RARB: variants seen among roughly 807,000 people sequenced by gnomAD.
The protein encoded by RARB is retinoic acid receptor beta, also known as HBV-activated protein.
RARB carries 17 observed loss-of-function variants against 51.9 expected under a neutral mutation model. The ratio of observed to expected loss-of-function variants is 0.33; its 90% CI spans 0.22 to 0.49. The LOEUF is 0.49. RARB is among the 20% of genes least tolerant of loss of function. The probability of loss-of-function intolerance (pLI) is 0.99; values close to 1 mark genes in which losing one functional copy is unlikely to be tolerated. For synonymous variants in RARB, 215 were observed against 195.4 expected (o/e 1.10, Z -0.84); for missense variants, 369 against 550.8 (o/e 0.67, Z 3.30).
chr3:25,374,801 T>A (rs910585530), intron 5 of RARB, among the ~76,000 whole-genome samples: 1 of 152,174 alleles, frequency 6.6e-6, no homozygotes, highest in Admixed American at 6.5e-5. Flanking sequence ...TGTACAAGGT[T>A]TCTTTCTTCA....
intron 2 of RARB, among the ~76,000 whole-genome samples, chr3:25,036,366 T>A (rs2125292688): frequency 6.6e-6 from 1 of 152,258 alleles, no homozygotes; most frequent in African/African-American, 2.4e-5. Flanking sequence ...TAGCGCCAAA[T>A]CCCAAACCCT....
rs1053814956 is a variant in RARB, at chr3:25,103,978, G to A, written c.-327-28183G>A. On this transcript the variant is annotated intron_variant, in intron 3 of 11. Transcript: ENST00000383772. ...ATCCAGATTAGGTGCCCAATTAGCC[G>A]CATATTGTGAAAGTGTGGACACTCA... Among the ~76,000 whole-genome samples, 10 of 152,272 alleles carry A rather than the reference G, an allele frequency of 6.6e-5. No individual in the cohort carries two copies. In the East Asian group the frequency reaches 1.5e-3, roughly 24 times the overall value.
At chr3:25,505,195 G>A (rs993698755) in intron 3 of RARB, among the ~76,000 whole-genome samples, 2 of 152,170 alleles carry the variant, frequency 1.3e-5, no homozygotes, top group Non-Finnish European at 2.9e-5. Context: ...TGTGGAAGCT[G>A]AGACACAGAG....
At chr3:24,835,956 G>A (rs1037605016) in intron 1 of RARB, among the ~76,000 whole-genome samples, 5 of 152,192 alleles carry the variant, frequency 3.3e-5, no homozygotes, top group African/African-American at 1.2e-4. Context: ...TACTGGGGAA[G>A]CCTGAAAACA....
chr3:25,179,535 C>T (rs1446182783), intron 5 of RARB, among the ~76,000 whole-genome samples: 5 of 152,168 alleles, frequency 3.3e-5, no homozygotes, highest in African/African-American at 1.2e-4. Context: ...TGTATCCTTA[C>T]ATTGTTAAAC....
chr3:25,067,503 C>A (rs944404761), intron 3 of RARB, among the ~76,000 whole-genome samples: 1 of 152,020 alleles, frequency 6.6e-6, no homozygotes, highest in Non-Finnish European at 1.5e-5. Context: ...TTTCTACATG[C>A]CTTTTATCAC....
chr3:24,891,798 T>C (rs1048824492), intron 2 of RARB, among the ~76,000 whole-genome samples: 2 of 152,044 alleles, frequency 1.3e-5, no homozygotes, highest in African/African-American at 4.8e-5. Flanking sequence ...GAGAAAGAGT[T>C]GCAGTATGAA....
intron 1 of RARB, among the ~76,000 whole-genome samples, chr3:24,837,997 G>A (rs1702365489): frequency 6.6e-6 from 1 of 152,190 alleles, no homozygotes; most frequent in South Asian, 2.1e-4. Context: ...CAGCTACCCT[G>A]AACTTTTATG....
intron 5 of RARB, among the ~76,000 whole-genome samples, chr3:25,201,339 A>C (rs533767599): frequency 1.3e-5 from 2 of 152,086 alleles, no homozygotes; most frequent in East Asian, 3.9e-4. Context: ...GGCTGAGACG[A>C]TGGGGTTTTC....
intron 2 of RARB, among the ~76,000 whole-genome samples, chr3:25,026,623 C>T (rs1697755480): frequency 9.1e-6 from 1 of 110,100 alleles, no homozygotes; most frequent in African/African-American, 3.4e-5. Context: ...CTCCAAATCA[C>T]ATTCTGAAGT....
intron 4 of RARB, among the ~76,000 whole-genome samples, chr3:25,166,391 G>C (rs1056674025): frequency 6.6e-6 from 1 of 152,092 alleles, no homozygotes; most frequent in African/African-American, 2.4e-5. Flanking sequence ...TACTTGGCTG[G>C]ATGCATCTGA....
intron 2 of RARB, among the ~76,000 whole-genome samples, chr3:24,977,376 A>G (rs1233327631): frequency 6.6e-6 from 1 of 152,144 alleles, no homozygotes; most frequent in African/African-American, 2.4e-5. Context: ...CAAAATATTG[A>G]TTCTTCCTAC....
intron 5 of RARB, among the ~76,000 whole-genome samples, chr3:25,199,168 A>T (rs1559501996): frequency 1.3e-5 from 2 of 152,102 alleles, no homozygotes; most frequent in South Asian, 2.1e-4. Context: ...ACTGGAGGAC[A>T]TTATGTTAAG....
intron 2 of RARB, among the ~76,000 whole-genome samples, chr3:24,885,020 A>G (rs977938252): frequency 6.6e-6 from 1 of 152,148 alleles, no homozygotes; most frequent in Admixed American, 6.5e-5. Flanking sequence ...GGCGAAGAAT[A>G]TTAGAAGGAC....
chr3:24,834,918 T>G (rs997738061), intron 1 of RARB, among the ~76,000 whole-genome samples: 1 of 152,116 alleles, frequency 6.6e-6, no homozygotes, highest in African/African-American at 2.4e-5. Flanking sequence ...CTTCCTTTCC[T>G]TTTTCCTTTT....
intron 2 of RARB, among the ~76,000 whole-genome samples, chr3:25,491,309 A>C (rs1696725347): frequency 6.6e-6 from 1 of 152,118 alleles, no homozygotes; most frequent in Non-Finnish European, 1.5e-5. Context: ...CACTACAAAA[A>C]TAAAGCCCAG....
intron 3 of RARB, among the ~76,000 whole-genome samples, chr3:25,074,400 A>G (rs550342809): frequency 1.3e-5 from 2 of 152,274 alleles, no homozygotes; most frequent in African/African-American, 4.8e-5. Flanking sequence ...ACTGACTATT[A>G]AGAATCCTGG....
intron 5 of RARB, among the ~76,000 whole-genome samples, chr3:25,403,160 CAAAAA>C (rs532977113): frequency 1.2e-5 from 1 of 86,382 alleles, no homozygotes. Flanking sequence ...GACTGCATCT[CAAAAA>C]AAAAAAAAAA....
At chr3:25,329,693 C>A (rs771735105) in intron 5 of RARB, among the ~76,000 whole-genome samples, 14 of 152,076 alleles carry the variant, frequency 9.2e-5, no homozygotes, top group Admixed American at 9.2e-4. Flanking sequence ...AGACTTCAGA[C>A]GATCAGTAAT....
Sources: gnomAD v4.1 joint callset for allele counts (sites outside exome capture counted in the v4.1 genomes callset) on GRCh38, gnomAD v4.1.1 for gene constraint, MANE v1.5 for transcripts, NCBI Gene and HGNC (gene_info 2026-07-23, HGNC 2026-07-21) for gene names.